Variants in PCDHAC1 observed in about 807,000 individuals in gnomAD.
PCDHAC1 encodes the protein protocadherin alpha subfamily C, 1.
In PCDHAC1, 42 loss-of-function variants were observed where a neutral mutation model predicts 60.0. The ratio of observed to expected loss-of-function variants is 0.70; its 90% CI spans 0.55 to 0.90. The LOEUF is 0.90. Among genes scored for constraint, PCDHAC1 ranks in the 40% least tolerant of loss-of-function variants. The pLI is 0.00. For missense variants in PCDHAC1, 1,160 were observed against 1,222.3 expected (o/e 0.95, Z 0.76); for synonymous variants, 468 against 499.3 (o/e 0.94, Z 0.84).
At chr5:140,988,963 G>A (rs1273293184) in intron 3 of PCDHAC1, 2 of 152,140 alleles carry the variant, frequency 1.3e-5, no homozygotes, top group African/African-American at 4.8e-5. Flanking sequence ...CAAGCCCCAC[G>A]ATGGAGAGAA....
At chr5:140,997,673 TG>T (rs1554255971) in intron 3 of PCDHAC1, among the ~76,000 whole-genome samples, 41 of 149,136 alleles carry the variant, frequency 2.7e-4, no homozygotes, top group African/African-American at 9.9e-4. Context: ...ACAGCTTGTG[TG>T]TGTGTGTGTG....
Position 141,009,639 on chromosome 5 carries a change from G to A in PCDHAC1, c.2594G>A (p.Gly865Glu). The stretch of plus-strand genomic sequence containing the variant: ...TTTTGTCTTTCAGAACCAGAGGCAG[G>A]AGAAGTGTCCCCTCCAGTCGGTGCG... ...VSSATPEPEA[G>E]EVSPPVGAGV... The change falls in exon 4 of 4, where the codon GGA becomes GAA. Residue 865 changes from glycine to glutamate, a missense_variant. Transcript: ENST00000253807. The A allele has an allele frequency of 6.2e-7, 1 of 1,613,406 alleles. No individual in the cohort carries two copies. The highest frequency in any genetic ancestry group is 8.5e-7 in the Non-Finnish European group (1 of 1,179,594).
chr5:140,958,137 A>G (rs1237826000), intron 1 of PCDHAC1, among the ~76,000 whole-genome samples: 2 of 152,112 alleles, frequency 1.3e-5, no homozygotes, highest in Admixed American at 6.6e-5. Flanking sequence ...ATCAGTGTGT[A>G]TATTTATATA....
intron 3 of PCDHAC1, among the ~76,000 whole-genome samples, chr5:140,993,365 A>G (rs1207264244): frequency 1.3e-5 from 2 of 151,422 alleles, no homozygotes; most frequent in Admixed American, 6.6e-5. Flanking sequence ...CACAAAAACT[A>G]CCTCCCAGCC....
intron 3 of PCDHAC1, among the ~76,000 whole-genome samples, chr5:140,989,551 C>T (rs964653534): frequency 2.0e-5 from 3 of 152,178 alleles, no homozygotes; most frequent in African/African-American, 4.8e-5. Flanking sequence ...AATTCCTTTA[C>T]GTTTTGTGGC....
chr5:140,979,882 A>C (rs1554241172), intron 2 of PCDHAC1, among the ~76,000 whole-genome samples: 1 of 152,274 alleles, frequency 6.6e-6, no homozygotes, highest in Non-Finnish European at 1.5e-5. Context: ...TATCAAGTGA[A>C]TATTCACCAA....
rs570399561 is a variant in PCDHAC1, at chr5:140,943,988, C to T, written c.2433+14663C>T. ...GTTAAAGTAATTAAGAAAACAGAGA[C>T]AGAACTACTGAGTACCCCCCAAAAG... On this transcript the variant is annotated intron_variant, in intron 1 of 3. Transcript: ENST00000253807. 8.3e-4 allele frequency among the ~76,000 whole-genome samples: 126 copies of T among 152,216 alleles called. 3 individuals carry two copies. The Middle Eastern group carries it at 0.017, about 21-fold the overall frequency.
chr5:140,957,746 AG>A (rs1173855054), intron 1 of PCDHAC1, among the ~76,000 whole-genome samples: 1 of 152,136 alleles, frequency 6.6e-6, no homozygotes, highest in Non-Finnish European at 1.5e-5. Flanking sequence ...CTGACATGAA[AG>A]GATGTTCATT....
chr5:140,946,613 T>A (rs1300820927), intron 1 of PCDHAC1, among the ~76,000 whole-genome samples: 1 of 116,702 alleles, frequency 8.6e-6, no homozygotes, highest in South Asian at 2.6e-4. Context: ...AAATGTGAAA[T>A]ATATATATAT....
chr5:141,010,696 C>A lies in PCDHAC1; in HGVS notation c.*759C>A. ...AAACAGAAGCAGATCTGATGTGTTT[C>A]CTATACATGTCCTGTGCTCACTTTA... On this transcript the variant is annotated 3_prime_UTR_variant, in exon 4 of 4. Transcript: ENST00000253807. The A allele has an allele frequency of 6.3e-6, 1 of 159,082 alleles. No individual in the cohort carries two copies. The highest frequency in any genetic ancestry group is 1.4e-5 in the Non-Finnish European group (1 of 71,522). 9.9% of individuals were successfully genotyped at this position (159,082 alleles called of 1,614,324 possible).
chr5:140,990,838 A>C (rs2097419271), intron 3 of PCDHAC1, among the ~76,000 whole-genome samples: 1 of 152,222 alleles, frequency 6.6e-6, no homozygotes, highest in Admixed American at 6.5e-5. Flanking sequence ...CCTATTAGCA[A>C]AAATAGAGCC....
At chr5:140,975,823 G>A (rs1239122577) in intron 1 of PCDHAC1, among the ~76,000 whole-genome samples, 2 of 152,164 alleles carry the variant, frequency 1.3e-5, no homozygotes, top group Non-Finnish European at 2.9e-5. Context: ...AGGAACTGAA[G>A]TGTATTCTTA....
chr5:140,951,933 A>T (rs2094659165), intron 1 of PCDHAC1, among the ~76,000 whole-genome samples: 1 of 152,164 alleles, frequency 6.6e-6, no homozygotes, highest in African/African-American at 2.4e-5. Context: ...TACTCCCAAG[A>T]TACAGTGCGG....
chr5:140,935,388 T>C (rs2090344079), intron 1 of PCDHAC1, among the ~76,000 whole-genome samples: 1 of 152,240 alleles, frequency 6.6e-6, no homozygotes, highest in African/African-American at 2.4e-5. Context: ...TCATTTGTTA[T>C]CCCACGGGAC....
intron 1 of PCDHAC1, among the ~76,000 whole-genome samples, chr5:140,952,668 T>C (rs960968372): frequency 6.6e-6 from 1 of 152,234 alleles, no homozygotes. Context: ...CAAAGTCACT[T>C]TCACATTTTC....
chr5:141,007,315 C>T (rs1207897662), intron 3 of PCDHAC1, among the ~76,000 whole-genome samples: 1 of 148,308 alleles, frequency 6.7e-6, no homozygotes, highest in Non-Finnish European at 1.5e-5. Flanking sequence ...TTTTGGGAGG[C>T]TAAAGTGGAC....
intron 1 of PCDHAC1, among the ~76,000 whole-genome samples, chr5:140,959,041 T>C (rs1291778863): frequency 2.6e-5 from 4 of 152,118 alleles, no homozygotes; most frequent in Non-Finnish European, 5.9e-5. Flanking sequence ...GGTATGTATG[T>C]ATAGGAAAAA....
At position 140,926,404 on chromosome 5, in the gene PCDHAC1, A is replaced by G. The variant is rs192980510; in HGVS notation, c.-489A>G. 6.6e-6 allele frequency: 1 copy of G among 152,612 alleles called. No individual in the cohort carries two copies. Among genetic ancestry groups the G allele is most frequent in the African/African-American group, 2.4e-5 (1 of 41,572 alleles). 9.5% of individuals were successfully genotyped at this position (152,612 alleles called of 1,614,324 possible). A position where few individuals can be genotyped will look rare whatever the true frequency, so the allele number is the denominator to read the frequency against. On this transcript the variant is annotated 5_prime_UTR_variant, in exon 1 of 4. Transcript: ENST00000253807. ...CTGGGCTCAGCCACAGTTATCAGCAATCTGCGGGCAGAGGATGTGGAGGTT... is the reference window on the plus strand; with the variant it reads ...CTGGGCTCAGCCACAGTTATCAGCAGTCTGCGGGCAGAGGATGTGGAGGTT...
intron 1 of PCDHAC1, among the ~76,000 whole-genome samples, chr5:140,957,433 A>G (rs2095359030): frequency 6.6e-6 from 1 of 152,202 alleles, no homozygotes; most frequent in Non-Finnish European, 1.5e-5. Flanking sequence ...TACTGTGCCT[A>G]ATTTATAAAT....
Sources: gnomAD v4.1 joint callset for allele counts (sites outside exome capture counted in the v4.1 genomes callset) on GRCh38, gnomAD v4.1.1 for gene constraint, MANE v1.5 for transcripts, NCBI Gene and HGNC (gene_info 2026-07-23, HGNC 2026-07-21) for gene names.